Variants in GALNTL6 observed in about 807,000 individuals in gnomAD.
GALNTL6 encodes polypeptide N-acetylgalactosaminyltransferase-like 6.
GALNTL6 carries 46 observed loss-of-function variants against 73.7 expected under a neutral mutation model. The observed-to-expected ratio is 0.62, with a 90% CI of 0.49 to 0.80. The LOEUF is 0.80. GALNTL6 is among the 30% of genes least tolerant of loss of function. GALNTL6 has a pLI of 0.00. For synonymous variants in GALNTL6, 259 were observed against 263.7 expected (o/e 0.98, Z 0.17); for missense variants, 604 against 755.0 (o/e 0.80, Z 2.34).
chr4:172,838,175 T>C (rs1186037298), intron 7 of GALNTL6, among the ~76,000 whole-genome samples: 5 of 152,228 alleles, frequency 3.3e-5, no homozygotes, highest in African/African-American at 1.2e-4. Context: ...GAGTTCTGCC[T>C]CCTCCCGTCA....
chr4:172,394,428 C>CTTTTTTTTT (rs201130774), intron 5 of GALNTL6, among the ~76,000 whole-genome samples: 1 of 120,180 alleles, frequency 8.3e-6, no homozygotes, highest in Non-Finnish European at 1.7e-5. Context: ...TCTTCTTCTT[C>CTTTTTTTTT]TTTTTTTTTT....
At chr4:172,318,077 A>G (rs1740627353) in intron 4 of GALNTL6, among the ~76,000 whole-genome samples, 1 of 152,230 alleles carries the variant, frequency 6.6e-6, no homozygotes. Context: ...AGGAATAGCT[A>G]GAATCAGGTA....
intron 2 of GALNTL6, among the ~76,000 whole-genome samples, chr4:171,926,194 A>G (rs1211897580): frequency 1.3e-5 from 2 of 152,138 alleles, no homozygotes; most frequent in African/African-American, 4.8e-5. Flanking sequence ...ACTTATTTTT[A>G]TATACTTTTA....
chr4:172,413,975 G>C lies in GALNTL6; in HGVS notation c.553+65286G>C, dbSNP rs576572888. Among the ~76,000 whole-genome samples, 507 of 152,200 alleles carry C rather than the reference G, an allele frequency of 3.3e-3. 2 individuals are homozygous for C. The highest frequency in any genetic ancestry group is 0.011 in the African/African-American group (472 of 41,538). On this transcript the variant is annotated intron_variant, in intron 5 of 12. Coordinates refer to ENST00000506823, the MANE Select transcript of GALNTL6 (RefSeq NM_001034845.3). The stretch of plus-strand genomic sequence containing the variant: ...TGTGAACTGTGAAGGAACTTTATGA[G>C]CCTGTTTGTTTGGAAACTGAATCAC...
chr4:172,650,379 TA>T (rs1364064519), intron 5 of GALNTL6, among the ~76,000 whole-genome samples: 2 of 152,004 alleles, frequency 1.3e-5, no homozygotes, highest in Non-Finnish European at 2.9e-5. Context: ...CTATTTAAAA[TA>T]AAAAAGCATA....
intron 5 of GALNTL6, among the ~76,000 whole-genome samples, chr4:172,777,393 T>C (rs1739131864): frequency 6.6e-6 from 1 of 152,168 alleles, no homozygotes; most frequent in African/African-American, 2.4e-5. Flanking sequence ...GGCCACTGTA[T>C]TTTTCCCGTA....
chr4:172,688,485 C>A (rs939588530), intron 5 of GALNTL6, among the ~76,000 whole-genome samples: 1 of 152,168 alleles, frequency 6.6e-6, no homozygotes, highest in African/African-American at 2.4e-5. Context: ...TTGCTTGGAC[C>A]TCCACTTAAA....
At chr4:172,297,249 A>T (rs1739714630) in intron 3 of GALNTL6, among the ~76,000 whole-genome samples, 1 of 151,916 alleles carries the variant, frequency 6.6e-6, no homozygotes, top group African/African-American at 2.4e-5. Context: ...TAGATTCTGG[A>T]TATTAGCCGT....
intron 2 of GALNTL6, among the ~76,000 whole-genome samples, chr4:172,169,858 G>A (rs2110817190): frequency 6.6e-6 from 1 of 152,236 alleles, no homozygotes; most frequent in South Asian, 2.1e-4. Context: ...CAGAAGTCGT[G>A]GTAAGAATAA....
chr4:172,399,959 G>A (rs1743981674), intron 5 of GALNTL6, among the ~76,000 whole-genome samples: 1 of 151,832 alleles, frequency 6.6e-6, no homozygotes, highest in Admixed American at 6.6e-5. Flanking sequence ...CTACTCCTAC[G>A]CCATTTGTTC....
chr4:172,810,818 C>T (rs899382030), intron 6 of GALNTL6, among the ~76,000 whole-genome samples: 2 of 152,138 alleles, frequency 1.3e-5, no homozygotes, highest in Non-Finnish European at 2.9e-5. Context: ...AGAGCTTCAT[C>T]AGCAACAGTG....
chr4:172,396,050 A>T (rs1461202323), intron 5 of GALNTL6, among the ~76,000 whole-genome samples: 1 of 152,020 alleles, frequency 6.6e-6, no homozygotes, highest in Non-Finnish European at 1.5e-5. Flanking sequence ...TCATGGAAAC[A>T]CTCCAGCATA....
intron 9 of GALNTL6, among the ~76,000 whole-genome samples, chr4:172,940,166 T>C (rs1490706690): frequency 2.0e-5 from 3 of 151,372 alleles, no homozygotes; most frequent in African/African-American, 7.3e-5. Context: ...ACTTGGTAAT[T>C]TCCCACAAAA....
chr4:172,651,895 G>A (rs923907330), intron 5 of GALNTL6, among the ~76,000 whole-genome samples: 1 of 152,162 alleles, frequency 6.6e-6, no homozygotes, highest in African/African-American at 2.4e-5. Context: ...ACACCAATCT[G>A]CAACTCCGAA....
intron 10 of GALNTL6, among the ~76,000 whole-genome samples, chr4:172,983,194 C>T (rs1345643604): frequency 2.0e-5 from 3 of 152,088 alleles, no homozygotes; most frequent in Admixed American, 6.5e-5. Flanking sequence ...ATTGCATAAG[C>T]CACCACAAGC....
At chr4:172,100,650 T>C (rs1355966177) in intron 2 of GALNTL6, among the ~76,000 whole-genome samples, 1 of 152,226 alleles carries the variant, frequency 6.6e-6, no homozygotes, top group Non-Finnish European at 1.5e-5. Flanking sequence ...GTGATTTACA[T>C]AACTGAAACT....
chr4:172,520,544 GT>G (rs891731245), intron 5 of GALNTL6, among the ~76,000 whole-genome samples: 29 of 137,126 alleles, frequency 2.1e-4, no homozygotes, highest in South Asian at 1.4e-3. Flanking sequence ...CAGTCTTTTC[GT>G]TTTTTTTTTC....
chr4:172,588,903 T>C (rs1352743201), intron 5 of GALNTL6, among the ~76,000 whole-genome samples: 1 of 152,198 alleles, frequency 6.6e-6, no homozygotes, highest in Non-Finnish European at 1.5e-5. Context: ...GCAGAAGGTT[T>C]ATGTGGAGAA....
intron 2 of GALNTL6, among the ~76,000 whole-genome samples, chr4:171,862,098 C>G (rs1735845156): frequency 6.6e-6 from 1 of 152,114 alleles, no homozygotes; most frequent in Non-Finnish European, 1.5e-5. Flanking sequence ...CTTGGGATAA[C>G]CAGTATTTCA....
Sources: gnomAD v4.1 joint callset for allele counts (sites outside exome capture counted in the v4.1 genomes callset) on GRCh38, gnomAD v4.1.1 for gene constraint, MANE v1.5 for transcripts, NCBI Gene and HGNC (gene_info 2026-07-23, HGNC 2026-07-21) for gene names.